Variants in PRUNE2 observed in about 807,000 individuals in gnomAD.
The protein encoded by PRUNE2 is protein prune homolog 2.
Under a neutral mutation model 252.0 loss-of-function variants are expected in PRUNE2, and 164 were observed. That is an observed-to-expected ratio of 0.65 (90% CI 0.57 to 0.74). The LOEUF is 0.74. PRUNE2 is among the 30% of genes least tolerant of loss of function. The probability of loss-of-function intolerance (pLI) is 0.00; values close to 1 mark genes in which losing one functional copy is unlikely to be tolerated. For missense variants in PRUNE2, 3,495 were observed against 3,711.0 expected (o/e 0.94, Z 1.51); for synonymous variants, 1,292 against 1,350.2 (o/e 0.96, Z 0.94).
intron 6 of PRUNE2, among the ~76,000 whole-genome samples, chr9:76,779,414 T>A (rs1313196433): frequency 6.6e-6 from 1 of 152,162 alleles, no homozygotes; most frequent in Non-Finnish European, 1.5e-5. Flanking sequence ...ATATCAAAGC[T>A]CTTCTTCAAG....
At chr9:76,835,996 C>G (rs1254725438) in intron 4 of PRUNE2, among the ~76,000 whole-genome samples, 3 of 152,124 alleles carry the variant, frequency 2.0e-5, no homozygotes, top group East Asian at 3.9e-4. Flanking sequence ...CCTGTCAAGG[C>G]CTTACACAAA....
chr9:76,866,423 G>T (rs1589665475), intron 1 of PRUNE2, among the ~76,000 whole-genome samples: 1 of 152,142 alleles, frequency 6.6e-6, no homozygotes, highest in Admixed American at 6.5e-5. Flanking sequence ...TGTTTTTTGC[G>T]ATATTTTGTA....
intron 4 of PRUNE2, among the ~76,000 whole-genome samples, chr9:76,840,043 C>T (rs1442036032): frequency 6.6e-6 from 1 of 152,056 alleles, no homozygotes; most frequent in African/African-American, 2.4e-5. Context: ...GTAACGTGGG[C>T]TTGGATATAA....
At chr9:76,617,331 T>A (rs1830186480) in intron 18 of PRUNE2, among the ~76,000 whole-genome samples, 1 of 152,198 alleles carries the variant, frequency 6.6e-6, no homozygotes, top group South Asian at 2.1e-4. Flanking sequence ...ATCGAGCCCA[T>A]TGGAAGAACC....
intron 17 of PRUNE2, among the ~76,000 whole-genome samples, chr9:76,620,013 G>GT (rs897256289): frequency 1.3e-5 from 2 of 151,980 alleles, no homozygotes; most frequent in Middle Eastern, 3.2e-3. Flanking sequence ...TGGCATTTAT[G>GT]TTTTTTGTGT....
At chr9:76,670,786 G>A (rs1480721904) in intron 9 of PRUNE2, among the ~76,000 whole-genome samples, 4 of 151,624 alleles carry the variant, frequency 2.6e-5, no homozygotes, top group Non-Finnish European at 5.9e-5. Context: ...CCCCCAGCAG[G>A]GGCACACTGA....
At chr9:76,866,193 G>A (rs549524610) in intron 1 of PRUNE2, among the ~76,000 whole-genome samples, 24 of 152,336 alleles carry the variant, frequency 1.6e-4, no homozygotes, top group African/African-American at 5.5e-4. Flanking sequence ...CAAATTAGAA[G>A]GGCATAATTC....
Position 76,895,611 on chromosome 9 carries a change from T to C in PRUNE2, c.36+10317A>G, listed in dbSNP as rs573742701. ...CTTTCTTCTTAAACAGGACACTAAATTTAAATGATCTTTTCCCCCTGATTC... is the reference window on the plus strand; with the variant it reads ...CTTTCTTCTTAAACAGGACACTAAACTTAAATGATCTTTTCCCCCTGATTC... On this transcript the variant is annotated intron_variant, in intron 1 of 18. Transcript: ENST00000376718. Among the ~76,000 whole-genome samples, 7 of 152,278 alleles carry C rather than the reference T, an allele frequency of 4.6e-5. No individual in the cohort carries two copies. In the South Asian group the frequency reaches 1.2e-3, roughly 27 times the overall value.
intron 11 of PRUNE2, among the ~76,000 whole-genome samples, chr9:76,648,104 A>G (rs1464053103): frequency 6.6e-6 from 1 of 152,242 alleles, no homozygotes; most frequent in Non-Finnish European, 1.5e-5. Context: ...AGAATTTCAA[A>G]TTAAAACAAT....
intron 9 of PRUNE2, among the ~76,000 whole-genome samples, chr9:76,660,008 A>T (rs914765127): frequency 2.6e-5 from 4 of 152,152 alleles, no homozygotes; most frequent in African/African-American, 9.6e-5. Context: ...CAAGGTGTAA[A>T]GCCATGTATC....
intron 12 of PRUNE2, among the ~76,000 whole-genome samples, chr9:76,639,217 C>T (rs181132433): frequency 1.3e-3 from 200 of 152,264 alleles, no homozygotes; most frequent in African/African-American, 3.8e-3. Context: ...CCAGGCCGGG[C>T]GCCATGACTC....
intron 4 of PRUNE2, among the ~76,000 whole-genome samples, chr9:76,829,004 C>G (rs1424893501): frequency 8.8e-6 from 1 of 113,028 alleles, no homozygotes; most frequent in Admixed American, 1.0e-4. Flanking sequence ...GAGACAGAGT[C>G]TCACTCTGTC....
At chr9:76,731,159 A>G (rs2048532166) in intron 6 of PRUNE2, among the ~76,000 whole-genome samples, 2 of 152,106 alleles carry the variant, frequency 1.3e-5, no homozygotes, top group Non-Finnish European at 2.9e-5. Context: ...ATGCTATGAA[A>G]AATGAAAAAG....
chr9:76,713,436 C>T (rs1331530419), intron 7 of PRUNE2, 127 bp downstream of exon 7: 1 of 618,292 alleles, frequency 1.6e-6, no homozygotes, highest in Non-Finnish European at 2.5e-6. Context: ...AAAACTCAAA[C>T]CTCTAGGACT....
Position 76,863,370 on chromosome 9 carries a change from T to A in PRUNE2, c.37-9162A>T, listed in dbSNP as rs144610719. 2.6e-3 allele frequency: 389 copies of A among 152,128 alleles called. 2 individuals are homozygous for A. The highest frequency in any genetic ancestry group is 9.1e-3 in the African/African-American group (375 of 41,386). 9.4% of individuals were successfully genotyped at this position (152,128 alleles called of 1,614,324 possible). On this transcript the variant is annotated intron_variant, in intron 1 of 18. Coordinates refer to ENST00000376718, the MANE Select transcript of PRUNE2 (RefSeq NM_015225.3). ...TTATTATGATTATGAGTGCTTTAGA[T>A]CACTTTTATATATGGACACAAAAAC...
At chr9:76,648,338 A>C (rs1845809834) in intron 11 of PRUNE2, among the ~76,000 whole-genome samples, 5 of 152,182 alleles carry the variant, frequency 3.3e-5, no homozygotes, top group Admixed American at 3.3e-4. Context: ...ATGCACTGAA[A>C]ATGTATGCCC....
chr9:76,888,900 T>C (rs1437121823), intron 1 of PRUNE2, among the ~76,000 whole-genome samples: 3 of 152,110 alleles, frequency 2.0e-5, no homozygotes, highest in Non-Finnish European at 2.9e-5. Flanking sequence ...TGAAGTGCAG[T>C]GGCATGATCT....
Position 76,815,301 on chromosome 9 carries a change from C to T in PRUNE2, c.756+8331G>A, listed in dbSNP as rs138132568. Among the ~76,000 whole-genome samples, 4 of 152,320 alleles carry T rather than the reference C, an allele frequency of 2.6e-5. No individual in the cohort carries two copies. The East Asian group carries it at 5.8e-4, about 22-fold the overall frequency. ...GGATCCCTGCTTGTCTGAGTCCATA[C>T]AGGCTGCAATAACAAAACACCTTAG... On this transcript the variant is annotated intron_variant, in intron 6 of 18. Coordinates refer to ENST00000376718, the MANE Select transcript of PRUNE2 (RefSeq NM_015225.3).
At chr9:76,780,371 C>T (rs2054238662) in intron 6 of PRUNE2, among the ~76,000 whole-genome samples, 1 of 151,986 alleles carries the variant, frequency 6.6e-6, no homozygotes, top group African/African-American at 2.4e-5. Flanking sequence ...TTAGTCTGGC[C>T]ACCTGTATCC....
Sources: gnomAD v4.1 joint callset for allele counts (sites outside exome capture counted in the v4.1 genomes callset) on GRCh38, gnomAD v4.1.1 for gene constraint, MANE v1.5 for transcripts, NCBI Gene and HGNC (gene_info 2026-07-23, HGNC 2026-07-21) for gene names.